TCF20: variants seen among roughly 807,000 people sequenced by gnomAD.
The protein encoded by TCF20 is SPRE-binding protein.
Under a neutral mutation model 148.6 loss-of-function variants are expected in TCF20, and 3 were observed. That is an observed-to-expected ratio of 0.02 (90% CI 0.01 to 0.05). The LOEUF (loss-of-function observed/expected upper bound fraction) is 0.05, where lower values mean the gene tolerates loss of function less well. TCF20 is among the 10% of genes least tolerant of loss of function. The probability of loss-of-function intolerance (pLI) is 1.00; values close to 1 mark genes in which losing one functional copy is unlikely to be tolerated. For missense variants in TCF20, 2,350 were observed against 2,429.3 expected (o/e 0.97, Z 0.69); for synonymous variants, 1,049 against 909.5 (o/e 1.15, Z -2.76).
intron 2 of TCF20, among the ~76,000 whole-genome samples, chr22:42,205,638 A>T (rs1317229909): frequency 6.6e-6 from 1 of 152,262 alleles, no homozygotes; most frequent in East Asian, 1.9e-4. Flanking sequence ...ATTAAATAAA[A>T]GGCAAGTTAG....
At position 42,221,739 on chromosome 22, in the gene TCF20, G is replaced by GTTTTTTTTTTTTTTTTTTTTT. The variant is rs59283483; in HGVS notation, c.-36-6399_-36-6398insAAAAAAAAAAAAAAAAAAAAA. Reference sequence around the variant, plus strand: ...GGGCTTATTAACCATATGGCAAAGGGTTTTTTTTTTTTTTTTTGAGACGGA... The same window carrying GTTTTTTTTTTTTTTTTTTTTT: ...GGGCTTATTAACCATATGGCAAAGGGTTTTTTTTTTTTTTTTTTTTTTTTTTTTTTTTTTTTTTGAGACGGA... On this transcript the variant is annotated intron_variant, in intron 1 of 5. Transcript: ENST00000677622. Among the ~76,000 whole-genome samples, 17 of 92,808 alleles carry GTTTTTTTTTTTTTTTTTTTTT rather than the reference G, an allele frequency of 1.8e-4. 1 individual carries two copies. The highest frequency in any genetic ancestry group is 2.5e-4 in the African/African-American group (5 of 19,696). 60.9% of individuals were successfully genotyped at this position (92,808 alleles called of 152,430 possible).
At chr22:42,255,224 T>C (rs181292320) in intron 1 of TCF20, among the ~76,000 whole-genome samples, 266 of 152,120 alleles carry the variant, frequency 1.7e-3, no homozygotes, top group Middle Eastern at 0.017. Context: ...ATGGTGCTCA[T>C]GCCTGTAATC....
chr22:42,292,149 C>T lies in TCF20; in HGVS notation c.-37+51330G>A, dbSNP rs1357424182. Among the ~76,000 whole-genome samples, 1 of 152,218 alleles carries T rather than the reference C, an allele frequency of 6.6e-6. No homozygotes were observed. The highest frequency in any genetic ancestry group is 1.5e-5 in the Non-Finnish European group (1 of 68,040). On this transcript the variant is annotated intron_variant, in intron 1 of 1. Transcript: ENST00000515426. The surrounding 1 kb of genome is among the most constrained non-coding windows in gnomAD (Gnocchi z 4.9). ...AAACTTAGCACAGCACCCATAGGCC[C>T]TCCTGTCATGCTGGGCTCTCTGCCC...
chr22:42,268,632 C>T (rs533210555), intron 1 of TCF20, among the ~76,000 whole-genome samples: 1 of 152,344 alleles, frequency 6.6e-6, no homozygotes, highest in South Asian at 2.1e-4. Flanking sequence ...GATCTTGGAA[C>T]TCCTCTGAGC....
In TCF20 at chr22:42,290,426, T is replaced by G. The variant is rs1927112537; in HGVS notation, c.-37+53053A>C. 6.6e-6 allele frequency among the ~76,000 whole-genome samples: 1 copy of G among 152,156 alleles called. No homozygotes were observed. Among genetic ancestry groups the G allele is most frequent in the Non-Finnish European group, 1.5e-5 (1 of 68,014 alleles). On this transcript the variant is annotated intron_variant, in intron 1 of 1. Coordinates refer to the TCF20 transcript ENST00000515426. This position sits in a 1 kb window ranked among gnomAD's most constrained non-coding sequence, Gnocchi z 4.2. ...CAGAATCTTTCATCTGCTCAAAATA[T>G]AAAAACCCCAGTGAAGGGAGGCTGG...
intron 5 of TCF20, among the ~76,000 whole-genome samples, chr22:42,167,728 T>A (rs2147049947): frequency 6.6e-6 from 1 of 152,050 alleles, no homozygotes; most frequent in Admixed American, 6.5e-5. Flanking sequence ...CAAGAATTTT[T>A]TTTCTTTTTT....
chr22:42,186,702 G>T (rs1937063892), intron 2 of TCF20, among the ~76,000 whole-genome samples: 1 of 152,064 alleles, frequency 6.6e-6, no homozygotes, highest in African/African-American at 2.4e-5. Context: ...CAAGTCTCTG[G>T]ACACTTCACT....
chr22:42,341,064 G>A (rs9623567), intron 1 of TCF20, among the ~76,000 whole-genome samples: 2,151 of 152,262 alleles, frequency 0.014, 48 homozygotes, highest in African/African-American at 0.049. Context: ...GCGCGCGCCG[G>A]CTGCCAGGAG....
chr22:42,188,333 C>T (rs943172221), intron 2 of TCF20, among the ~76,000 whole-genome samples: 1 of 137,152 alleles, frequency 7.3e-6, no homozygotes, highest in Admixed American at 7.8e-5. Flanking sequence ...CAGATTCTCA[C>T]CCGTGAGCTG....
chr22:42,275,430 A>G (rs1372768210), upstream of TCF20, among the ~76,000 whole-genome samples: 1 of 152,254 alleles, frequency 6.6e-6, no homozygotes, highest in Non-Finnish European at 1.5e-5. Context: ...CTGAGCGCAC[A>G]GATCACCCCC....
At position 42,290,997 on chromosome 22, in the gene TCF20, A is replaced by C. The variant is rs1318036800; in HGVS notation, c.-37+52482T>G. 1.3e-5 allele frequency among the ~76,000 whole-genome samples: 2 copies of C among 152,102 alleles called. No homozygotes were observed. The highest frequency in any genetic ancestry group is 2.9e-5 in the Non-Finnish European group (2 of 68,010). ...CAAATAAGGAAACTGAGGCATGGAG[A>C]GGTGAAGTAAGGGGTCCAGCCAGAT... On this transcript the variant is annotated intron_variant, in intron 1 of 1. Transcript: ENST00000515426. The surrounding 1 kb of genome is among the most constrained non-coding windows in gnomAD (Gnocchi z 4.2).
intron 1 of TCF20, among the ~76,000 whole-genome samples, chr22:42,324,806 A>G (rs1927843958): frequency 6.6e-6 from 1 of 152,212 alleles, no homozygotes. Flanking sequence ...CCACTGTCTC[A>G]TGCAATCTCC....
chr22:42,325,387 A>G (rs1289245741), intron 1 of TCF20, among the ~76,000 whole-genome samples: 2 of 152,014 alleles, frequency 1.3e-5, no homozygotes, highest in Non-Finnish European at 2.9e-5. Context: ...CCTCACCTCA[A>G]CAGGTGGGGC....
intron 1 of TCF20, among the ~76,000 whole-genome samples, chr22:42,252,222 G>C (rs905767528): frequency 6.0e-5 from 9 of 151,102 alleles, no homozygotes; most frequent in Non-Finnish European, 1.2e-4. Context: ...AAGAGACAGA[G>C]GTTGCAGTGA....
At chr22:42,171,525 G>A (rs1324672789) in intron 3 of TCF20, among the ~76,000 whole-genome samples, 1 of 152,138 alleles carries the variant, frequency 6.6e-6, no homozygotes, top group Non-Finnish European at 1.5e-5. Flanking sequence ...AAGAGAGTGG[G>A]CGGCAGCCTT....
intron 2 of TCF20, among the ~76,000 whole-genome samples, chr22:42,190,424 C>T (rs1937269829): frequency 6.6e-6 from 1 of 152,050 alleles, no homozygotes; most frequent in Non-Finnish European, 1.5e-5. Flanking sequence ...CACACCACTG[C>T]ATTCCAGCCT....
intron 1 of TCF20, among the ~76,000 whole-genome samples, chr22:42,243,194 G>T (rs575172297): frequency 7.1e-4 from 104 of 147,430 alleles, no homozygotes; most frequent in African/African-American, 2.5e-3. Flanking sequence ...GTCAGTTGCT[G>T]TGGCTAGCAC....
At position 42,221,026 on chromosome 22, in the gene TCF20, A is replaced by T. The variant is rs144344958; in HGVS notation, c.-36-5685T>A. 1.1e-3 allele frequency among the ~76,000 whole-genome samples: 168 copies of T among 152,296 alleles called. 1 individual carries two copies. The highest frequency in any genetic ancestry group is 2.5e-3 in the African/African-American group (105 of 41,564). On this transcript the variant is annotated intron_variant, in intron 1 of 5. Transcript: ENST00000677622. ...TCTTCTGCATTGTTGTCAACTCAGC[A>T]TCGTGACCACCCTCCTTCCAAGCTC...
At chr22:42,162,672 C>G (rs573382031) in intron 5 of TCF20, among the ~76,000 whole-genome samples, 1 of 152,228 alleles carries the variant, frequency 6.6e-6, no homozygotes, top group Non-Finnish European at 1.5e-5. Flanking sequence ...AAGACTGTCA[C>G]TGGGGCTCAC....
Sources: gnomAD v4.1 joint callset for allele counts (sites outside exome capture counted in the v4.1 genomes callset) on GRCh38, gnomAD v4.1.1 for gene constraint, Gnocchi (gnomAD v3.1) non-coding constraint, MANE v1.5 for transcripts, NCBI Gene and HGNC (gene_info 2026-07-23, HGNC 2026-07-21) for gene names.